The following LYPD1 variants were observed in gnomAD, a reference collection of about 807,000 sequenced individuals.
LYPD1 encodes ly6/PLAUR domain-containing protein 1.
Under a neutral mutation model 14.2 loss-of-function variants are expected in LYPD1, and 14 were observed. That is an observed-to-expected ratio of 0.99 (90% CI 0.65 to 1.54). The LOEUF is 1.54. Among genes scored for constraint, LYPD1 ranks in the 40% most tolerant of loss-of-function variants. LYPD1 has a pLI of 0.00. For missense variants in LYPD1, 165 were observed against 175.7 expected, an observed-to-expected ratio of 0.94 and a Z score of 0.34; for synonymous variants, 85 against 70.6, an observed-to-expected ratio of 1.20 and a Z score of -1.02.
In LYPD1 at chr2:132,670,036, G is replaced by T. The variant is rs1284358134; in HGVS notation, c.-104C>A. The T allele has an allele frequency of 2.6e-6, 4 of 1,552,778 alleles. No individual in the cohort carries two copies. Among genetic ancestry groups the T allele is most frequent in the Non-Finnish European group, 3.5e-6 (4 of 1,158,514 alleles). ...GGCTGTGGCTGCCGAGGCTGCTGGG[G>T]CCCGCGCTGCTGCCGCGGAGACGAC... On this transcript the variant is annotated 5_prime_UTR_variant, in exon 1 of 3. Transcript: ENST00000397463. This position sits in a 1 kb window ranked among gnomAD's most constrained non-coding sequence, Gnocchi z 4.5.
At chr2:132,657,419 C>T (rs1369887645) in intron 2 of LYPD1, among the ~76,000 whole-genome samples, 3 of 152,150 alleles carry the variant, frequency 2.0e-5, no homozygotes, top group African/African-American at 4.8e-5. Flanking sequence ...GCATTTCTAA[C>T]CTTGATGTCC....
chr2:132,644,513 G>A lies in LYPD1; in HGVS notation c.*1532C>T, dbSNP rs1187754890. 6.6e-6 allele frequency among the ~76,000 whole-genome samples: 1 copy of A among 152,248 alleles called. No homozygotes were observed. The highest frequency in any genetic ancestry group is 1.9e-4 in the East Asian group (1 of 5,204). ...GATTATAGGTGTGCATACCTAGTAT[G>A]TATATGTCCAAAAAACATTCTTGGC... On this transcript the variant is annotated 3_prime_UTR_variant, in exon 3 of 3. Coordinates refer to ENST00000397463, the MANE Select transcript of LYPD1 (RefSeq NM_144586.7).
At chr2:132,648,136 A>G (rs577524810) in intron 2 of LYPD1, among the ~76,000 whole-genome samples, 1 of 152,294 alleles carries the variant, frequency 6.6e-6, no homozygotes, top group African/African-American at 2.4e-5. Context: ...TAGTCTCTAC[A>G]TTTGCCATCC....
intron 2 of LYPD1, among the ~76,000 whole-genome samples, chr2:132,661,505 T>C (rs1009958262): frequency 6.6e-6 from 1 of 152,214 alleles, no homozygotes. Context: ...ACCTGAGCTT[T>C]CTTTTTAGAT....
In LYPD1 at chr2:132,645,954, G is replaced by T. The variant is rs754510082; in HGVS notation, c.*91C>A. ...CTCCCGCTCCCTACCCAGAATAAAA[G>T]GACACCCAGAAGAAACTCACTCAGG... On this transcript the variant is annotated 3_prime_UTR_variant, in exon 3 of 3. Coordinates refer to ENST00000397463, the MANE Select transcript of LYPD1 (RefSeq NM_144586.7). The T allele has an allele frequency of 5.2e-6, 5 of 961,408 alleles. No homozygotes were observed. Among genetic ancestry groups the T allele is most frequent in the Non-Finnish European group, 7.6e-6 (5 of 654,960 alleles). The allele number at this position is 961,408 out of a possible 1,614,324, so 59.6% of individuals were successfully genotyped here.
intron 2 of LYPD1, among the ~76,000 whole-genome samples, chr2:132,668,124 A>C (rs536957288): frequency 6.6e-6 from 1 of 152,338 alleles, no homozygotes; most frequent in African/African-American, 2.4e-5. Flanking sequence ...CTTTTAGCAT[A>C]GGGAGGTGAA....
intron 2 of LYPD1, among the ~76,000 whole-genome samples, chr2:132,649,625 G>A (rs1682275260): frequency 6.6e-6 from 1 of 152,146 alleles, no homozygotes; most frequent in Non-Finnish European, 1.5e-5. Context: ...ATGGCTGCCT[G>A]CACTGGTGCA....
At position 132,643,758 on chromosome 2, in the gene LYPD1, GAT is replaced by G. The variant is rs1681919093; in HGVS notation, c.*2285_*2286del. ...GGGTCTCAAATTTCTAGGCTTAAGTGATCCTTCTGCCTTGGCCTCCCAGAGTA... is the reference window on the plus strand; with the variant it reads ...GGGTCTCAAATTTCTAGGCTTAAGTGCCTTCTGCCTTGGCCTCCCAGAGTA... On this transcript the variant is annotated 3_prime_UTR_variant, in exon 3 of 3. Transcript: ENST00000397463. Among the ~76,000 whole-genome samples, 1 of 152,172 alleles carries G rather than the reference GAT, an allele frequency of 6.6e-6. No individual in the cohort carries two copies. The highest frequency in any genetic ancestry group is 1.5e-5 in the Non-Finnish European group (1 of 68,032).
Position 132,645,217 on chromosome 2 carries a change from C to A in LYPD1, c.*828G>T. 2 of 1,614,196 alleles carry A rather than the reference C, an allele frequency of 1.2e-6. No homozygotes were observed. Among genetic ancestry groups the A allele is most frequent in the Non-Finnish European group, 1.7e-6 (2 of 1,180,042 alleles). On this transcript the variant is annotated 3_prime_UTR_variant, in exon 3 of 3. Coordinates refer to ENST00000397463, the MANE Select transcript of LYPD1 (RefSeq NM_144586.7). ...GTCCTACTTCCGGGCGTACATGATC[C>A]TCCTCCCCTTCTCGGAGACGTTTTT...
chr2:132,657,119 A>C (rs1682639521), intron 2 of LYPD1, among the ~76,000 whole-genome samples: 1 of 152,218 alleles, frequency 6.6e-6, no homozygotes, highest in Admixed American at 6.5e-5. Flanking sequence ...TGGTGAGTTT[A>C]ATTTTCAAGG....
chr2:132,643,405 G>T lies in LYPD1; in HGVS notation c.*2640C>A, dbSNP rs1681900532. On this transcript the variant is annotated 3_prime_UTR_variant, in exon 3 of 3. Transcript: ENST00000397463. ...CTTGCTCACATATGGATTTGTGGAG[G>T]ATTTGAACACAGCTAGGGTCCCCTC... Among the ~76,000 whole-genome samples the T allele has an allele frequency of 6.6e-6, 1 of 152,188 alleles. No homozygotes were observed. Among genetic ancestry groups the T allele is most frequent in the Admixed American group, 6.5e-5 (1 of 15,278 alleles).
chr2:132,646,921 C>T (rs568392408), intron 2 of LYPD1, among the ~76,000 whole-genome samples: 2 of 152,122 alleles, frequency 1.3e-5, no homozygotes, highest in East Asian at 1.9e-4. Context: ...GCCAGTACCA[C>T]GCAGCTAGCA....
Position 132,645,113 on chromosome 2 carries a change from T to C in LYPD1, c.*932A>G, listed in dbSNP as rs1681982583. 2 of 1,612,556 alleles carry C rather than the reference T, an allele frequency of 1.2e-6. No homozygotes were observed. The highest frequency in any genetic ancestry group is 1.7e-5 in the Admixed American group (1 of 59,984). On this transcript the variant is annotated 3_prime_UTR_variant, in exon 3 of 3. Coordinates refer to ENST00000397463, the MANE Select transcript of LYPD1 (RefSeq NM_144586.7). The stretch of plus-strand genomic sequence containing the variant: ...CGTGTCTGCCCAGGGCTGATTGTTG[T>C]GACATTGGCCGTATGCTGGATGCCC...
chr2:132,646,446 G>A (rs1397007446), intron 2 of LYPD1, 166 bp from the exon 3 acceptor site: 5 of 416,086 alleles, frequency 1.2e-5, no homozygotes, highest in African/African-American at 1.0e-4. Context: ...ATTCAAGATA[G>A]ATGGTGAAAG....
At chr2:132,649,188 T>G (rs1573726495) in intron 2 of LYPD1, among the ~76,000 whole-genome samples, 1 of 151,606 alleles carries the variant, frequency 6.6e-6, no homozygotes, top group Admixed American at 6.6e-5. Context: ...AGGTAGGAGG[T>G]GTTGTGCTAA....
chr2:132,668,364 G>C (rs760298957), intron 2 of LYPD1, 36 bp downstream of exon 2: 1 of 1,587,802 alleles, frequency 6.3e-7, no homozygotes, highest in Non-Finnish European at 8.6e-7. Context: ...CACAGCCCAG[G>C]CTTAAGAGCG....
chr2:132,669,724 G>A lies in LYPD1; in HGVS notation c.52+157C>T. On this transcript the variant is annotated intron_variant, in intron 1 of 2. Transcript: ENST00000397463. The surrounding 1 kb of genome is among the most constrained non-coding windows in gnomAD (Gnocchi z 4.3). ...AGCGCGGGACTTGGACACTTTCCCA[G>A]CCTCGCGCCCCGGGGCACCAGTCGC... 1 of 1,418,256 alleles carries A rather than the reference G, an allele frequency of 7.1e-7. No individual in the cohort carries two copies. The highest frequency in any genetic ancestry group is 9.2e-7 in the Non-Finnish European group (1 of 1,081,316). 87.9% of individuals were successfully genotyped at this position (1,418,256 alleles called of 1,614,324 possible).
rs539190329 is a variant in LYPD1 at position 132,644,397 on chromosome 2, T to C, written c.*1648A>G. Reference sequence around the variant, plus strand: ...GCTGAACTAGAAGGAAGTTTTATATTTGCCATCTCTGAATAATTCTTTTTC... The same window carrying C: ...GCTGAACTAGAAGGAAGTTTTATATCTGCCATCTCTGAATAATTCTTTTTC... On this transcript the variant is annotated 3_prime_UTR_variant, in exon 3 of 3. Transcript: ENST00000397463. Among the ~76,000 whole-genome samples, 9 of 152,336 alleles carry C rather than the reference T, an allele frequency of 5.9e-5. No individual in the cohort carries two copies. In the East Asian group the frequency reaches 1.7e-3, roughly 29 times the overall value.
In LYPD1 at chr2:132,645,358, A is replaced by C; in HGVS notation, c.*687T>G. On this transcript the variant is annotated 3_prime_UTR_variant, in exon 3 of 3. Transcript: ENST00000397463. ...GTCGCTGCAGCACGCCAACCACGAG[A>C]AGCGCCTGCGCGTACATGCGCACTC... 6.2e-7 allele frequency: 1 copy of C among 1,614,036 alleles called. No individual in the cohort carries two copies. The highest frequency in any genetic ancestry group is 8.5e-7 in the Non-Finnish European group (1 of 1,180,030).
Sources: allele counts gnomAD v4.1 joint callset (sites outside exome capture counted in the v4.1 genomes callset), GRCh38; gene constraint gnomAD v4.1.1; non-coding constraint Gnocchi (gnomAD v3.1); transcripts MANE v1.5; gene names NCBI Gene and HGNC (gene_info 2026-07-23, HGNC 2026-07-21).